Variants in WASF2 observed in about 807,000 individuals in gnomAD.
WASF2 encodes actin-binding protein WASF2.
A neutral mutation model predicts 45.0 loss-of-function variants in WASF2; 14 were observed. The observed-to-expected ratio is 0.31, with a 90% confidence interval of 0.21 to 0.49. The LOEUF is 0.49. Ranked by LOEUF, WASF2 falls within the 20% of genes least tolerant of loss-of-function variation. The pLI is 0.99. For missense variants in WASF2, 439 were observed against 636.1 expected (o/e 0.69, Z 3.33); for synonymous variants, 200 against 236.3 (o/e 0.85, Z 1.41).
intron 1 of WASF2, among the ~76,000 whole-genome samples, chr1:27,457,793 A>T (rs928126589): frequency 6.6e-6 from 1 of 151,888 alleles, no homozygotes; most frequent in African/African-American, 2.4e-5. Flanking sequence ...GCTAATTTTT[A>T]AAAATTTTTG....
intron 1 of WASF2, among the ~76,000 whole-genome samples, chr1:27,459,128 A>C (rs916832902): frequency 1.3e-5 from 2 of 152,122 alleles, no homozygotes; most frequent in Admixed American, 6.5e-5. Flanking sequence ...CCATCTAAAA[A>C]AAAAAAAAAG....
chr1:27,428,181 AG>A (rs943013133), intron 2 of WASF2, among the ~76,000 whole-genome samples: 18 of 152,330 alleles, frequency 1.2e-4, no homozygotes, highest in African/African-American at 4.3e-4. Flanking sequence ...CAGAGACTGC[AG>A]AAGTAATCTG....
intron 1 of WASF2, among the ~76,000 whole-genome samples, chr1:27,467,360 G>C (rs1267738156): frequency 6.7e-6 from 1 of 149,582 alleles, no homozygotes; most frequent in Non-Finnish European, 1.5e-5. Flanking sequence ...GAATGCAGTG[G>C]TGCAATCTCA....
At chr1:27,441,480 G>A (rs1473078249) in intron 1 of WASF2, among the ~76,000 whole-genome samples, 16 of 151,758 alleles carry the variant, frequency 1.1e-4, no homozygotes, top group African/African-American at 2.9e-4. Context: ...ATGGCCGGGC[G>A]CGGTGGCTCA....
chr1:27,457,661 C>T lies in WASF2; in HGVS notation c.-43-28728G>A, dbSNP rs1321413147. ...TAAGAGACGGGGTCTTACTCTGTTG[C>T]CCAGGCTAGAGGGCTGTGGCTTAAT... On this transcript the variant is annotated intron_variant, in intron 1 of 8. Transcript: ENST00000618852. Among the ~76,000 whole-genome samples, 8 of 150,720 alleles carry T rather than the reference C, an allele frequency of 5.3e-5. 1 individual carries two copies. The highest frequency in any genetic ancestry group is 4.9e-5 in the African/African-American group (2 of 40,886).
intron 2 of WASF2, among the ~76,000 whole-genome samples, chr1:27,425,787 C>T (rs1437304388): frequency 2.3e-5 from 3 of 130,910 alleles, no homozygotes; most frequent in East Asian, 2.2e-4. Context: ...TGCAGTGAGC[C>T]GAGGTGGCGC....
chr1:27,486,750 C>T (rs987189894), intron 1 of WASF2, among the ~76,000 whole-genome samples: 2 of 151,934 alleles, frequency 1.3e-5, no homozygotes, highest in African/African-American at 4.8e-5. Context: ...ATGGCAAAAC[C>T]CTATCTCTAC....
chr1:27,405,223 CG>C lies in WASF2; in HGVS notation c.*2965del, dbSNP rs2016650207. 1.3e-5 allele frequency: 2 copies of C among 152,260 alleles called. No homozygotes were observed. The highest frequency in any genetic ancestry group is 2.9e-5 in the Non-Finnish European group (2 of 68,086). The allele number at this position is 152,260 out of a possible 1,614,324, so 9.4% of individuals were successfully genotyped here. The stretch of plus-strand genomic sequence containing the variant: ...AGGGCGCTCGGGCTTCCACTGGAGG[CG>C]AGCTGGAGCCTGGGCCAGCTGCTCT... On this transcript the variant is annotated 3_prime_UTR_variant, in exon 9 of 9. Transcript: ENST00000618852.
chr1:27,463,999 G>A (rs1054175635), intron 1 of WASF2, among the ~76,000 whole-genome samples: 16 of 151,486 alleles, frequency 1.1e-4, no homozygotes, highest in Admixed American at 1.1e-3. Context: ...TGGAACTCCT[G>A]ACCTCAGGTG....
chr1:27,474,716 G>A (rs1166526024), intron 1 of WASF2, among the ~76,000 whole-genome samples: 6 of 151,760 alleles, frequency 4.0e-5, no homozygotes. Flanking sequence ...AGGTTGCAGT[G>A]AGCCGAGATC....
chr1:27,484,491 T>C (rs1007502437), intron 1 of WASF2, among the ~76,000 whole-genome samples: 5 of 152,142 alleles, frequency 3.3e-5, no homozygotes, highest in Admixed American at 6.6e-5. Context: ...CCAAATCCCA[T>C]TGACAGTTTT....
At chr1:27,409,095 T>C (rs1348903819) in intron 8 of WASF2, among the ~76,000 whole-genome samples, 2 of 151,866 alleles carry the variant, frequency 1.3e-5, no homozygotes, top group African/African-American at 4.8e-5. Flanking sequence ...CACATAAGCA[T>C]ATATTTCCAA....
rs1487114229 is a variant in WASF2, at chr1:27,428,626, G to A, written c.130+135C>T. ...CAAAAGGGAGCCTCTCTTTGGGGAG[G>A]AGAGGGAGGATACATTTTCGCATTA... On this transcript the variant is annotated intron_variant, in intron 2 of 8. Transcript: ENST00000618852. 4.5e-6 allele frequency: 6 copies of A among 1,323,142 alleles called. No homozygotes were observed. The Admixed American group carries it at 9.8e-5, about 22-fold the overall frequency. The allele number at this position is 1,323,142 out of a possible 1,614,324, so 82.0% of individuals were successfully genotyped here. A position where few individuals can be genotyped will look rare whatever the true frequency, so the allele number is the denominator to read the frequency against.
At chr1:27,464,720 A>T (rs768871046) in intron 1 of WASF2, among the ~76,000 whole-genome samples, 1 of 152,058 alleles carries the variant, frequency 6.6e-6, no homozygotes, top group Admixed American at 6.6e-5. Context: ...GCTTACTTTT[A>T]TATTTATTTA....
chr1:27,450,220 T>C lies in WASF2; in HGVS notation c.-43-21287A>G, dbSNP rs923226254. Among the ~76,000 whole-genome samples, 27 of 152,144 alleles carry C rather than the reference T, an allele frequency of 1.8e-4. 1 individual carries two copies. The Middle Eastern group carries it at 0.01, about 57-fold the overall frequency. On this transcript the variant is annotated intron_variant, in intron 1 of 8. Transcript: ENST00000618852. Reference sequence around the variant, plus strand: ...GTCTGCCACAACCGTCTCATTCTTGTACCTCAAAGCTCTTACTCCCTAATG... The same window carrying C: ...GTCTGCCACAACCGTCTCATTCTTGCACCTCAAAGCTCTTACTCCCTAATG...
intron 4 of WASF2, among the ~76,000 whole-genome samples, chr1:27,417,294 C>T (rs1012350679): frequency 1.3e-5 from 2 of 152,170 alleles, no homozygotes; most frequent in Admixed American, 6.5e-5. Flanking sequence ...GACTCAATAA[C>T]GGAGGCTGCA....
At position 27,408,301 on chromosome 1, in the gene WASF2, C is replaced by T. The variant is rs555432632; in HGVS notation, c.1385G>A (p.Arg462Gln). 7 of 1,614,210 alleles carry T rather than the reference C, an allele frequency of 4.3e-6. No homozygotes were observed. Among genetic ancestry groups the T allele is most frequent in the East Asian group, 2.2e-5 (1 of 44,884 alleles). ...GGCCACGTCATTGCCCACAACATCCCGCTTCTCTTGTTCCCGCTGCTCCTC... is the reference window on the plus strand; with the variant it reads ...GGCCACGTCATTGCCCACAACATCCTGCTTCTCTTGTTCCCGCTGCTCCTC... ...RVEEQREQEK[R>Q]DVVGNDVATI... Residue 462 changes from arginine (R) to glutamine (Q), a missense_variant, in exon 9 of 9, where the codon CGG (arginine) becomes CAG (glutamine). Arg to Gln is a conservative substitution (Grantham distance 43). Around this residue, in one of 5 missense-constraint regions of WASF2, gnomAD observed 286 missense variants for 373.5 expected, o/e 0.77. Coordinates refer to ENST00000618852, the MANE Select transcript of WASF2 (RefSeq NM_006990.5).
intron 1 of WASF2, among the ~76,000 whole-genome samples, chr1:27,484,624 G>A (rs1256486249): frequency 1.3e-5 from 2 of 151,806 alleles, no homozygotes; most frequent in South Asian, 2.1e-4. Context: ...TGGCTAACAA[G>A]GTGAAACCCT....
intron 1 of WASF2, among the ~76,000 whole-genome samples, chr1:27,485,460 T>C (rs1183727495): frequency 1.3e-5 from 2 of 151,976 alleles, no homozygotes; most frequent in African/African-American, 2.4e-5. Context: ...AAATAAAATT[T>C]TTAAAATTAA....
Sources: gnomAD v4.1 joint callset for allele counts (sites outside exome capture counted in the v4.1 genomes callset) on GRCh38, gnomAD v4.1.1 for gene constraint, gnomAD v4.1.1 regional missense constraint, MANE v1.5 for transcripts, NCBI Gene and HGNC (gene_info 2026-07-23, HGNC 2026-07-21) for gene names.